The following WBP2NL variants were observed in gnomAD, a reference collection of about 807,000 sequenced individuals.
WBP2NL encodes the protein WBP2 N-terminal like, also known as postacrosomal sheath WW domain-binding protein.
Under a neutral mutation model 23.3 loss-of-function variants are expected in WBP2NL, and 27 were observed. That is an observed-to-expected ratio of 1.16 (90% CI 0.85 to 1.60). The LOEUF is 1.60. Among genes scored for constraint, WBP2NL ranks in the 40% most tolerant of loss-of-function variants. WBP2NL has a pLI of 0.00. For synonymous variants in WBP2NL, 151 were observed against 145.9 expected, an observed-to-expected ratio of 1.03 and a Z score of -0.25; for missense variants, 370 against 389.5, an observed-to-expected ratio of 0.95 and a Z score of 0.42.
At chr22:42,037,787 G>A (rs1285670982), downstream of WBP2NL, among the ~76,000 whole-genome samples, 5 of 150,796 alleles carry the variant, frequency 3.3e-5, no homozygotes, top group Non-Finnish European at 7.4e-5. Flanking sequence ...CTGAAACTAC[G>A]GAATTCATTC....
At chr22:42,006,020 T>A (rs191022397) in intron 1 of WBP2NL, among the ~76,000 whole-genome samples, 2 of 152,294 alleles carry the variant, frequency 1.3e-5, no homozygotes, top group Admixed American at 1.3e-4. Flanking sequence ...AATGGTAACA[T>A]CTGCTTTGTT....
At chr22:42,054,657 G>A (rs1349281236) in intron 8 of WBP2NL, among the ~76,000 whole-genome samples, 1 of 149,284 alleles carries the variant, frequency 6.7e-6, no homozygotes, top group African/African-American at 2.5e-5. Flanking sequence ...ATATCTAGTT[G>A]TCCCAGTGCC....
At chr22:42,050,672 CTAAT>C (rs1237839485) in intron 8 of WBP2NL, among the ~76,000 whole-genome samples, 1 of 146,960 alleles carries the variant, frequency 6.8e-6, no homozygotes, top group African/African-American at 2.5e-5. Flanking sequence ...AAAAAAAAAA[CTAAT>C]TAAAAAATGG....
At chr22:41,999,238 C>G (rs133303) in intron 1 of WBP2NL, among the ~76,000 whole-genome samples, 60,462 of 152,150 alleles carry the variant, frequency 0.4, 13,941 homozygotes, top group East Asian at 0.85. Flanking sequence ...AGCCGGGGGC[C>G]TTCGGTGGCA....
chr22:42,044,112 GAGA>G, intron 8 of WBP2NL, among the ~76,000 whole-genome samples: 1 of 152,186 alleles, frequency 6.6e-6, no homozygotes, highest in East Asian at 1.9e-4. Flanking sequence ...TTTCGGTTTG[GAGA>G]AGAGTTACCC....
At chr22:42,001,876 G>A (rs1406426386) in intron 1 of WBP2NL, 10 of 1,485,814 alleles carry the variant, frequency 6.7e-6, no homozygotes, top group East Asian at 2.3e-5. Context: ...AGCTTGACCC[G>A]CTCGATGGGT....
chr22:42,050,695 C>T (rs1925809165), intron 8 of WBP2NL, among the ~76,000 whole-genome samples: 1 of 151,328 alleles, frequency 6.6e-6, no homozygotes, highest in African/African-American at 2.4e-5. Flanking sequence ...GGATAAAAGA[C>T]CCAAACAGAC....
At chr22:42,036,705 T>C (rs558132853), downstream of WBP2NL, among the ~76,000 whole-genome samples, 11 of 152,340 alleles carry the variant, frequency 7.2e-5, no homozygotes, top group South Asian at 2.3e-3. Flanking sequence ...TTTCATATGC[T>C]TATTGGCCAT....
At chr22:42,012,644 C>G (rs1255517927) in intron 1 of WBP2NL, among the ~76,000 whole-genome samples, 2 of 152,054 alleles carry the variant, frequency 1.3e-5, no homozygotes, top group African/African-American at 2.4e-5. Flanking sequence ...GTCTTAATTT[C>G]TCTTTAATTT....
chr22:42,040,721 A>G (rs1483537190), intron 8 of WBP2NL, among the ~76,000 whole-genome samples: 1 of 151,958 alleles, frequency 6.6e-6, no homozygotes, highest in African/African-American at 2.4e-5. Context: ...GAATTTTTCT[A>G]TTTTCTTTAT....
rs199835865 is a variant in WBP2NL, at chr22:42,026,924, G to A, written c.673G>A (p.Gly225Arg). ...ATATGGAGCCCCACCTCTTGGATAC[G>A]GAGCCCCACCTGCAGGATATGGAGC... ...VRYGAPPLGY[G>R]APPAGYGAPP... is the part of the protein sequence containing the mutation. The change falls in exon 6 of 6, where the codon GGA becomes AGA. Residue 225 changes from glycine to arginine, a missense_variant. Transcript: ENST00000328823. The A allele has an allele frequency of 1.2e-5, 19 of 1,607,900 alleles. No individual in the cohort carries two copies. In the East Asian group the frequency reaches 3.4e-4, roughly 28 times the overall value.
intron 1 of WBP2NL, among the ~76,000 whole-genome samples, chr22:42,008,141 C>CCTTTGCTTTG (rs1922456806): frequency 7.2e-6 from 1 of 139,162 alleles, no homozygotes; most frequent in African/African-American, 2.8e-5. Context: ...CCTTTCCTTT[C>CCTTTGCTTTG]CTTTCCTTTC....
intron 1 of WBP2NL, among the ~76,000 whole-genome samples, chr22:42,007,504 G>A (rs1267568809): frequency 2.6e-5 from 4 of 152,068 alleles, no homozygotes; most frequent in Non-Finnish European, 4.4e-5. Context: ...TACTCTGAGT[G>A]CCCACTTCAC....
intron 8 of WBP2NL, among the ~76,000 whole-genome samples, chr22:42,039,163 C>G (rs903161637): frequency 6.6e-6 from 1 of 151,858 alleles, no homozygotes; most frequent in Non-Finnish European, 1.5e-5. Context: ...TTTCCGTCTC[C>G]TGGGTTCAAG....
intron 3 of WBP2NL, 44 bp from the exon 4 acceptor site, chr22:42,019,960 G>A: frequency 6.2e-7 from 1 of 1,604,208 alleles, no homozygotes; most frequent in South Asian, 1.1e-5. Context: ...TCTGTTGTCA[G>A]CTATGCCAGT....
At chr22:42,033,414 A>G (rs1369970875), downstream of WBP2NL, among the ~76,000 whole-genome samples, 2 of 152,142 alleles carry the variant, frequency 1.3e-5, no homozygotes, top group Admixed American at 6.5e-5. Context: ...TTTGCCCACA[A>G]CATGTTGAGC....
In WBP2NL at chr22:42,026,870, C is replaced by A. The variant is rs147658517; in HGVS notation, c.619C>A (p.Pro207Thr). Reference protein sequence around the residue: ...GAQPVGNEGPPVGYRASPVRY... With the variant: ...GAQPVGNEGPTVGYRASPVRY... Reference sequence around the variant, plus strand: ...CCAACCCGTAGGAAATGAAGGCCCGCCTGTGGGATACAGAGCCTCACCTGT... The same window carrying A: ...CCAACCCGTAGGAAATGAAGGCCCGACTGTGGGATACAGAGCCTCACCTGT... The change falls in exon 6 of 6, where the codon CCT becomes ACT. Residue 207 changes from proline (P) to threonine (T), a missense_variant. Pro to Thr is a conservative substitution (Grantham distance 38, BLOSUM62 -1). Coordinates refer to ENST00000328823, the MANE Select transcript of WBP2NL (RefSeq NM_152613.3). 703 of 1,613,510 alleles carry A rather than the reference C, an allele frequency of 4.4e-4. 1 individual carries two copies. The African/African-American group carries it at 8.0e-3, about 18-fold the overall frequency.
chr22:42,001,874 C>G, intron 1 of WBP2NL: 2 of 1,490,646 alleles, frequency 1.3e-6, no homozygotes, highest in Non-Finnish European at 1.8e-6. Context: ...GCAGCTTGAC[C>G]CGCTCGATGG....
intron 1 of WBP2NL, chr22:42,001,541 G>C (rs1921682812): frequency 9.1e-7 from 1 of 1,096,844 alleles, no homozygotes; most frequent in Non-Finnish European, 1.4e-6. Context: ...GCCCACATCA[G>C]CTGCTACACG....
Sources: gnomAD v4.1 joint callset for allele counts (sites outside exome capture counted in the v4.1 genomes callset) on GRCh38, gnomAD v4.1.1 for gene constraint, MANE v1.5 for transcripts, NCBI Gene and HGNC (gene_info 2026-07-23, HGNC 2026-07-21) for gene names.